Variants in ADCY2 observed in about 807,000 individuals in gnomAD.
ADCY2 encodes adenylate cyclase type 2.
ADCY2 carries 31 observed loss-of-function variants against 125.2 expected under a neutral mutation model. The ratio of observed to expected loss-of-function variants is 0.25; its 90% CI spans 0.19 to 0.33. The LOEUF (loss-of-function observed/expected upper bound fraction) is 0.33, where lower values mean the gene tolerates loss of function less well. Ranked by LOEUF, ADCY2 falls within the 10% of genes least tolerant of loss-of-function variation. The probability of loss-of-function intolerance (pLI) is 1.00; values close to 1 mark genes in which losing one functional copy is unlikely to be tolerated. For synonymous variants in ADCY2, 512 were observed against 548.4 expected, an observed-to-expected ratio of 0.93 and a Z score of 0.93; for missense variants, 904 against 1,418.2, an observed-to-expected ratio of 0.64 and a Z score of 5.82.
intron 5 of ADCY2, among the ~76,000 whole-genome samples, chr5:7,695,051 A>G (rs1740845277): frequency 6.6e-6 from 1 of 152,240 alleles, no homozygotes; most frequent in Admixed American, 6.5e-5. Flanking sequence ...GCAGAAATTT[A>G]GGCTTCTTCA....
intron 20 of ADCY2, chr5:7,801,885 T>G: frequency 4.7e-6 from 1 of 211,514 alleles, no homozygotes. Context: ...GTTTGGGAAA[T>G]TATTTTGTTT....
intron 7 of ADCY2, among the ~76,000 whole-genome samples, chr5:7,705,588 G>A (rs1741241650): frequency 6.6e-6 from 1 of 152,076 alleles, no homozygotes; most frequent in Non-Finnish European, 1.5e-5. Flanking sequence ...TGCTTGCACA[G>A]CCACAGCCTG....
intron 1 of ADCY2, among the ~76,000 whole-genome samples, chr5:7,401,941 A>T (rs1739278267): frequency 6.6e-6 from 1 of 152,190 alleles, no homozygotes; most frequent in Non-Finnish European, 1.5e-5. Context: ...TGACATCGAG[A>T]CAATTCATTG....
intron 3 of ADCY2, among the ~76,000 whole-genome samples, chr5:7,603,719 CA>C (rs1317156746): frequency 8.8e-5 from 11 of 124,810 alleles, no homozygotes; most frequent in Non-Finnish European, 1.4e-4. Context: ...TCGTTAGGGC[CA>C]GTGAAGGTTC....
In ADCY2 at chr5:7,475,754, G is replaced by T. The variant is rs899185484; in HGVS notation, c.409-44984G>T. Among the ~76,000 whole-genome samples, 16 of 152,294 alleles carry T rather than the reference G, an allele frequency of 1.1e-4. No homozygotes were observed. The South Asian group carries it at 3.3e-3, about 32-fold the overall frequency. On this transcript the variant is annotated intron_variant, in intron 2 of 24. Coordinates refer to ENST00000338316, the MANE Select transcript of ADCY2 (RefSeq NM_020546.3). ...GAAGGGTGAGGCAAAGTCAAGAGCA[G>T]CTCCCAGGCTTTGGAGGAGGGCAGA...
rs188233538 is a variant in ADCY2 at position 7,609,510 on chromosome 5, G to A, written c.571-16657G>A. On this transcript the variant is annotated intron_variant, in intron 3 of 24. Transcript: ENST00000338316. Reference sequence around the variant, plus strand: ...TCCAATTCTTATGTACTGAATCATAGGTGTATGTGGGATTTTATTTATCCA... The same window carrying A: ...TCCAATTCTTATGTACTGAATCATAAGTGTATGTGGGATTTTATTTATCCA... Among the ~76,000 whole-genome samples, 24 of 152,282 alleles carry A rather than the reference G, an allele frequency of 1.6e-4. 1 individual carries two copies. The East Asian group carries it at 4.4e-3, about 28-fold the overall frequency.
intron 4 of ADCY2, among the ~76,000 whole-genome samples, chr5:7,659,748 G>C (rs532853631): frequency 6.6e-6 from 1 of 152,272 alleles, no homozygotes; most frequent in East Asian, 1.9e-4. Flanking sequence ...AGATTCCTAG[G>C]AGTAGTTGGA....
chr5:7,632,278 T>A (rs558343153), intron 4 of ADCY2, among the ~76,000 whole-genome samples: 11 of 152,304 alleles, frequency 7.2e-5, no homozygotes, highest in African/African-American at 2.6e-4. Flanking sequence ...GACCATTAAT[T>A]AAACTCTTCC....
intron 12 of ADCY2, among the ~76,000 whole-genome samples, chr5:7,720,239 A>G (rs115858410): frequency 6.6e-6 from 1 of 152,110 alleles, no homozygotes; most frequent in African/African-American, 2.4e-5. Context: ...TAGTTGACCT[A>G]ATCAGCACAC....
intron 2 of ADCY2, among the ~76,000 whole-genome samples, chr5:7,430,522 GTA>G (rs139926158): frequency 1.8e-3 from 266 of 146,426 alleles, no homozygotes; most frequent in Non-Finnish European, 3.1e-3. Flanking sequence ...ATGTGTGTAT[GTA>G]TATATATATA....
Position 7,414,555 on chromosome 5 carries a change from AT to A in ADCY2, c.211-11del, listed in dbSNP as rs770128101. 1.3e-6 allele frequency: 2 copies of A among 1,588,878 alleles called. No homozygotes were observed. Among genetic ancestry groups the A allele is most frequent in the East Asian group, 2.3e-5 (1 of 44,196 alleles). ...TCTCTAAATGGTAACTTTTCCATGTATTTTTTTATCTCCTCAGGAAGTTGAA... is the reference window on the plus strand; with the variant it reads ...TCTCTAAATGGTAACTTTTCCATGTATTTTTTATCTCCTCAGGAAGTTGAA... On this transcript the variant is annotated splice_polypyrimidine_tract_variant and intron_variant, in intron 1 of 24. Transcript: ENST00000338316.
chr5:7,522,900 T>C (rs956722592), intron 3 of ADCY2, among the ~76,000 whole-genome samples: 1 of 149,678 alleles, frequency 6.7e-6, no homozygotes, highest in Admixed American at 6.7e-5. Context: ...CACTCCAGCC[T>C]GGGCGACTGA....
intron 3 of ADCY2, among the ~76,000 whole-genome samples, chr5:7,560,265 G>A (rs1352343195): frequency 6.6e-6 from 1 of 152,190 alleles, no homozygotes; most frequent in Non-Finnish European, 1.5e-5. Context: ...GATGCCAGTT[G>A]CCTCTCTGGA....
At chr5:7,825,654 A>T (rs2126546027) in intron 24 of ADCY2, among the ~76,000 whole-genome samples, 1 of 152,322 alleles carries the variant, frequency 6.6e-6, no homozygotes, top group East Asian at 1.9e-4. Context: ...CACTGGGTGG[A>T]GGAGCAGGTA....
intron 4 of ADCY2, among the ~76,000 whole-genome samples, chr5:7,689,244 G>A (rs1045850617): frequency 1.3e-5 from 2 of 152,172 alleles, no homozygotes; most frequent in Non-Finnish European, 2.9e-5. Flanking sequence ...ACAGGCTGGT[G>A]TTTGGAGGAA....
intron 3 of ADCY2, among the ~76,000 whole-genome samples, chr5:7,558,059 T>C (rs1477662698): frequency 1.3e-5 from 1 of 75,264 alleles, no homozygotes; most frequent in Non-Finnish European, 4.1e-5. Context: ...TTGGTTTTAT[T>C]TTTTTTTTTT....
At chr5:7,659,544 C>T (rs1274849760) in intron 4 of ADCY2, among the ~76,000 whole-genome samples, 1 of 152,204 alleles carries the variant, frequency 6.6e-6, no homozygotes, top group Non-Finnish European at 1.5e-5. Context: ...TTGAAACCCA[C>T]AGCTCTGTGG....
chr5:7,814,746 T>G (rs1745055592), intron 22 of ADCY2, among the ~76,000 whole-genome samples: 2 of 152,168 alleles, frequency 1.3e-5, no homozygotes, highest in Admixed American at 1.3e-4. Flanking sequence ...GAGTTGGGCT[T>G]TCTCTTCACT....
rs947700766 is a variant in ADCY2, at chr5:7,684,812, A to G, written c.721-5879A>G. On this transcript the variant is annotated intron_variant, in intron 4 of 24. Coordinates refer to ENST00000338316, the MANE Select transcript of ADCY2 (RefSeq NM_020546.3). ...TTTGTCAAAACATGTTTAAATCTAA[A>G]TGATATTATATGTGACCAGGGTTTG... Among the ~76,000 whole-genome samples the G allele has an allele frequency of 1.7e-4, 25 of 149,496 alleles. 1 individual carries two copies. Among genetic ancestry groups the G allele is most frequent in the Non-Finnish European group, 8.9e-5 (6 of 67,626 alleles).
Sources: allele counts gnomAD v4.1 joint callset (sites outside exome capture counted in the v4.1 genomes callset), GRCh38; gene constraint gnomAD v4.1.1; transcripts MANE v1.5; gene names NCBI Gene and HGNC (gene_info 2026-07-23, HGNC 2026-07-21).